LNX2: variants seen among roughly 807,000 people sequenced by gnomAD.
LNX2 encodes ligand of numb-protein X 2, also known as ligand of Numb protein X 2.
A neutral mutation model predicts 66.2 loss-of-function variants in LNX2; 35 were observed. The ratio of observed to expected loss-of-function variants is 0.53; its 90% CI spans 0.40 to 0.70. The LOEUF is 0.70. Among genes scored for constraint, LNX2 ranks in the 30% least tolerant of loss-of-function variants. The pLI is 0.00. For synonymous variants in LNX2, 337 were observed against 315.6 expected (o/e 1.07, Z -0.72); for missense variants, 791 against 850.8 (o/e 0.93, Z 0.87).
chr13:27,601,443 T>A (rs908785424), intron 1 of LNX2, among the ~76,000 whole-genome samples: 1 of 152,202 alleles, frequency 6.6e-6, no homozygotes, highest in African/African-American at 2.4e-5. Flanking sequence ...AGAAAACTGA[T>A]GACAGCCCCA....
At chr13:27,574,118 A>G (rs943066016) in intron 2 of LNX2, among the ~76,000 whole-genome samples, 1 of 152,232 alleles carries the variant, frequency 6.6e-6, no homozygotes, top group African/African-American at 2.4e-5. Flanking sequence ...ACATTAAGTC[A>G]TAATAAAGAA....
chr13:27,604,577 T>C (rs998724380), intron 1 of LNX2, among the ~76,000 whole-genome samples: 2 of 152,314 alleles, frequency 1.3e-5, no homozygotes, highest in East Asian at 1.9e-4. Flanking sequence ...AATATATATA[T>C]GGTAGAAGAG....
At position 27,620,522 on chromosome 13, in the gene LNX2, G is replaced by GCAA; in HGVS notation, c.-249_-248insTTG. ...CGCCGCCGCCGCCGCCGCCGCCGCG[G>GCAA]ATTTCCTGGCAAAAAGCAAACTCCG... On this transcript the variant is annotated 5_prime_UTR_variant, in exon 1 of 10. Transcript: ENST00000316334. The GCAA allele has an allele frequency of 5.7e-6, 1 of 174,606 alleles. No individual in the cohort carries two copies. The highest frequency in any genetic ancestry group is 1.4e-4 in the South Asian group (1 of 7,074). 10.8% of individuals were successfully genotyped at this position (174,606 alleles called of 1,614,324 possible).
intron 1 of LNX2, among the ~76,000 whole-genome samples, chr13:27,602,512 G>A (rs36156798): frequency 0.11 from 16,308 of 149,966 alleles, 1,067 homozygotes; most frequent in Non-Finnish European, 0.14. Flanking sequence ...TACTCAGCAT[G>A]TTTTTGAGAT....
intron 1 of LNX2, among the ~76,000 whole-genome samples, chr13:27,606,377 C>CG (rs1387450311): frequency 4.4e-4 from 22 of 49,466 alleles, no homozygotes; most frequent in African/African-American, 1.5e-3. Context: ...TGATTTATAG[C>CG]GAAAAAAAAA....
At chr13:27,564,021 C>T (rs911531535) in intron 4 of LNX2, among the ~76,000 whole-genome samples, 4 of 152,178 alleles carry the variant, frequency 2.6e-5, no homozygotes, top group African/African-American at 7.2e-5. Context: ...TAAAAATCCA[C>T]GCAGATATAG....
intron 1 of LNX2, among the ~76,000 whole-genome samples, chr13:27,588,245 T>G (rs1455395175): frequency 6.6e-6 from 1 of 152,164 alleles, no homozygotes. Flanking sequence ...TTATTTGTAG[T>G]AGCCAGAAAC....
intron 1 of LNX2, among the ~76,000 whole-genome samples, chr13:27,588,088 T>C (rs537531242): frequency 6.6e-6 from 1 of 150,818 alleles, no homozygotes; most frequent in South Asian, 2.1e-4. Context: ...AGAACCCTTT[T>C]ATCCACTCTG....
At chr13:27,556,723 A>G (rs890370471) in intron 6 of LNX2, among the ~76,000 whole-genome samples, 5 of 152,210 alleles carry the variant, frequency 3.3e-5, no homozygotes, top group Admixed American at 2.6e-4. Context: ...GATCAACTTC[A>G]CAAAAGTAAA....
At chr13:27,559,631 G>A (rs1955104438) in intron 6 of LNX2, among the ~76,000 whole-genome samples, 1 of 152,098 alleles carries the variant, frequency 6.6e-6, no homozygotes, top group African/African-American at 2.4e-5. Flanking sequence ...AAGGAACAAA[G>A]CAGTCACTTT....
At chr13:27,607,293 C>T (rs1370272766) in intron 1 of LNX2, among the ~76,000 whole-genome samples, 1 of 152,178 alleles carries the variant, frequency 6.6e-6, no homozygotes, top group African/African-American at 2.4e-5. Flanking sequence ...TCTACTATGG[C>T]ATTCCTGGTT....
intron 1 of LNX2, among the ~76,000 whole-genome samples, chr13:27,586,263 T>C (rs11842125): frequency 0.047 from 7,167 of 152,182 alleles, 214 homozygotes; most frequent in Non-Finnish European, 0.067. Context: ...TATAGTTACT[T>C]AGTAAGAAAG....
At chr13:27,615,976 G>A (rs1474388259) in intron 1 of LNX2, among the ~76,000 whole-genome samples, 1 of 152,152 alleles carries the variant, frequency 6.6e-6, no homozygotes, top group Non-Finnish European at 1.5e-5. Context: ...CATATTTGAA[G>A]AGATTTATCG....
At position 27,593,724 on chromosome 13, in the gene LNX2, C is replaced by T. The variant is rs192400643; in HGVS notation, c.-100-11921G>A. The stretch of plus-strand genomic sequence containing the variant: ...CTGGGATTACAGGCGCCCACCACCA[C>T]GCCTGGTTTTTGTGTGTGTGTGTGT... On this transcript the variant is annotated intron_variant, in intron 1 of 9. Transcript: ENST00000316334. 2.9e-3 allele frequency among the ~76,000 whole-genome samples: 438 copies of T among 150,254 alleles called. 1 individual carries two copies. Among genetic ancestry groups the T allele is most frequent in the Middle Eastern group, 6.8e-3 (2 of 294 alleles).
At chr13:27,567,574 T>G in intron 4 of LNX2, 66 bp downstream of exon 4, 1 of 1,382,846 alleles carries the variant, frequency 7.2e-7, no homozygotes, top group Non-Finnish European at 1.0e-6. Flanking sequence ...AGCACAATTT[T>G]CTAAGGTTTA....
At chr13:27,614,551 A>G (rs924933322) in intron 1 of LNX2, among the ~76,000 whole-genome samples, 1 of 151,980 alleles carries the variant, frequency 6.6e-6, no homozygotes, top group African/African-American at 2.4e-5. Context: ...TGATCTGGGT[A>G]ATAATAAAAT....
intron 7 of LNX2, among the ~76,000 whole-genome samples, chr13:27,555,325 C>A (rs1212929559): frequency 6.6e-6 from 1 of 152,128 alleles, no homozygotes; most frequent in East Asian, 1.9e-4. Context: ...CTTTCCTCAT[C>A]TTTATGTTGT....
chr13:27,550,543 C>A, intron 8 of LNX2, 52 bp from the exon 9 acceptor site: 2 of 1,446,214 alleles, frequency 1.4e-6, no homozygotes, highest in South Asian at 1.3e-5. Flanking sequence ...GCTTTTATAG[C>A]CGCTTATTTT....
chr13:27,602,048 T>G (rs1212401376), intron 1 of LNX2, among the ~76,000 whole-genome samples: 1 of 152,150 alleles, frequency 6.6e-6, no homozygotes, highest in African/African-American at 2.4e-5. Context: ...CTCCTAAATA[T>G]GACAGTATGC....
Sources: gnomAD v4.1 joint callset for allele counts (sites outside exome capture counted in the v4.1 genomes callset) on GRCh38, gnomAD v4.1.1 for gene constraint, MANE v1.5 for transcripts, NCBI Gene and HGNC (gene_info 2026-07-23, HGNC 2026-07-21) for gene names.